SUZ12: variants seen among roughly 807,000 people sequenced by gnomAD.
The protein encoded by SUZ12 is polycomb protein SUZ12.
A neutral mutation model predicts 87.3 loss-of-function variants in SUZ12; 17 were observed. The observed-to-expected ratio is 0.19, with a 90% CI of 0.13 to 0.29. SUZ12 has a LOEUF of 0.29. Ranked by LOEUF, SUZ12 falls within the 10% of genes least tolerant of loss-of-function variation. The pLI is 1.00. For synonymous variants in SUZ12, 253 were observed against 312.4 expected (o/e 0.81, Z 2.01); for missense variants, 526 against 912.2 (o/e 0.58, Z 5.45).
At chr17:31,963,864 A>G (rs532956079) in intron 4 of SUZ12, 10,596 of 151,058 alleles carry the variant, frequency 0.07, no homozygotes, top group African/African-American at 0.23. Flanking sequence ...TCTCCCATCC[A>G]AGTACCAACC....
intron 14 of SUZ12, among the ~76,000 whole-genome samples, chr17:31,996,284 T>A (rs1909975668): frequency 1.3e-5 from 2 of 152,198 alleles, no homozygotes; most frequent in Non-Finnish European, 2.9e-5. Flanking sequence ...TGTGTTTTCA[T>A]TTCTATATTT....
rs1262248485 is a variant in SUZ12, at chr17:31,937,509, A to G, written c.263A>G (p.Gln88Arg). ...HVQADHELFLQAFEKPTQIYR... is the reference protein window; with the variant it reads ...HVQADHELFLRAFEKPTQIYR... Reference sequence around the variant, plus strand: ...CAGGCTGACCACGAGCTTTTCCTCCAGGCCTTTGAGAGTGAGTGTGTGCGA... The same window carrying G: ...CAGGCTGACCACGAGCTTTTCCTCCGGGCCTTTGAGAGTGAGTGTGTGCGA... The change falls in exon 1 of 16, where the codon CAG becomes CGG. Residue 88 changes from glutamine to arginine, a missense_variant. Gln to Arg is a conservative substitution (Grantham distance 43). Transcript: ENST00000322652. 6.5e-7 allele frequency: 1 copy of G among 1,540,326 alleles called. No individual in the cohort carries two copies. The highest frequency in any genetic ancestry group is 1.2e-5 in the South Asian group (1 of 83,874).
intron 3 of SUZ12, among the ~76,000 whole-genome samples, chr17:31,941,581 G>A (rs1402513774): frequency 2.1e-5 from 3 of 143,328 alleles, no homozygotes; most frequent in Admixed American, 7.0e-5. Flanking sequence ...ACGGAGTCTC[G>A]CTCTGTCTCC....
intron 4 of SUZ12, among the ~76,000 whole-genome samples, chr17:31,962,520 A>G (rs80105748): frequency 0.1 from 14,617 of 145,536 alleles, no homozygotes; most frequent in South Asian, 0.19. Context: ...GAGCCTGGAA[A>G]TTGGAGGTTG....
intron 13 of SUZ12, among the ~76,000 whole-genome samples, chr17:31,995,149 G>C (rs1005667686): frequency 2.0e-5 from 3 of 152,162 alleles, no homozygotes; most frequent in African/African-American, 7.2e-5. Context: ...TTTAATCTTA[G>C]TAAAACTGAA....
chr17:31,996,741 C>G lies in SUZ12; in HGVS notation c.1795-57C>G. ...TCCAAAACATTCTGTTTTTGACATT[C>G]TCACAAGTTTTTCTTAAAATATGTG... On this transcript the variant is annotated intron_variant, in intron 14 of 15. Transcript: ENST00000322652. 5 of 1,241,766 alleles carry G rather than the reference C, an allele frequency of 4.0e-6. No homozygotes were observed. In the South Asian group the frequency reaches 7.4e-5, roughly 18 times the overall value. The allele number at this position is 1,241,766 out of a possible 1,614,324, so 76.9% of individuals were successfully genotyped here.
intron 8 of SUZ12, among the ~76,000 whole-genome samples, chr17:31,979,804 A>G (rs1344044634): frequency 2.6e-5 from 4 of 152,142 alleles, no homozygotes; most frequent in African/African-American, 9.7e-5. Context: ...CTGAGTAAAT[A>G]TCCATTTTCT....
chr17:31,937,149 C>G lies in SUZ12; in HGVS notation c.-98C>G. On this transcript the variant is annotated 5_prime_UTR_variant, in exon 1 of 16. Transcript: ENST00000322652. ...CCTCTCTCCTCCTTCCCCCCTCGGT[C>G]CGCCGGAGCCTGCTGGGGCGAGCGG... The G allele has an allele frequency of 1.8e-6, 2 of 1,091,798 alleles. No homozygotes were observed. Among genetic ancestry groups the G allele is most frequent in the African/African-American group, 3.3e-5 (2 of 60,366 alleles). The allele number at this position is 1,091,798 out of a possible 1,614,324, so 67.6% of individuals were successfully genotyped here. A position where few individuals can be genotyped will look rare whatever the true frequency, so the allele number is the denominator to read the frequency against.
At chr17:31,939,551 T>C (rs1181025813) in intron 1 of SUZ12, among the ~76,000 whole-genome samples, 1 of 151,990 alleles carries the variant, frequency 6.6e-6, no homozygotes, top group Admixed American at 6.6e-5. Context: ...AGACGAAGTT[T>C]CGCTCTTTAT....
In SUZ12 at chr17:31,937,295, A is replaced by T. The variant is rs1181343866; in HGVS notation, c.49A>T (p.Ser17Cys). Reference protein sequence around the residue: ...GGGGGGGSGPSAGSGGGGFGG... With the variant: ...GGGGGGGSGPCAGSGGGGFGG... Reference sequence around the variant, plus strand: ...TGGGGGAGGGGGCGGCTCGGGGCCCAGCGCGGGGTCCGGGGGAGGCGGCTT... The same window carrying T: ...TGGGGGAGGGGGCGGCTCGGGGCCCTGCGCGGGGTCCGGGGGAGGCGGCTT... The change falls in exon 1 of 16, where the codon AGC (serine) becomes TGC (cysteine). Residue 17 changes from serine to cysteine, a missense_variant. Ser to Cys is a moderately radical substitution (Grantham distance 112, BLOSUM62 -1). Transcript: ENST00000322652. 2.1e-6 allele frequency: 3 copies of T among 1,399,032 alleles called. No homozygotes were observed. In the East Asian group the frequency reaches 9.1e-5, roughly 42 times the overall value. 86.7% of individuals were successfully genotyped at this position (1,399,032 alleles called of 1,614,324 possible). A position where few individuals can be genotyped will look rare whatever the true frequency, so the allele number is the denominator to read the frequency against.
At chr17:31,982,760 GT>G (rs1184091080) in intron 8 of SUZ12, among the ~76,000 whole-genome samples, 1 of 152,190 alleles carries the variant, frequency 6.6e-6, no homozygotes, top group East Asian at 1.9e-4. Flanking sequence ...TACTTTACAT[GT>G]TTAGAGTTAT....
intron 3 of SUZ12, among the ~76,000 whole-genome samples, chr17:31,946,421 A>G (rs1285637774): frequency 6.6e-6 from 1 of 152,096 alleles, no homozygotes; most frequent in Admixed American, 6.6e-5. Context: ...AGTCCCAGCT[A>G]CTCGGGAGGC....
At chr17:31,974,486 A>G (rs1410071793) in intron 6 of SUZ12, among the ~76,000 whole-genome samples, 1 of 152,186 alleles carries the variant, frequency 6.6e-6, no homozygotes, top group Non-Finnish European at 1.5e-5. Flanking sequence ...GAGATCGCAC[A>G]ACTGCACTCC....
chr17:31,957,514 C>T (rs1398220201), intron 4 of SUZ12, among the ~76,000 whole-genome samples: 3 of 151,836 alleles, frequency 2.0e-5, no homozygotes, highest in African/African-American at 4.8e-5. Flanking sequence ...CAGGCTCAAG[C>T]GATTCTTCTG....
intron 8 of SUZ12, among the ~76,000 whole-genome samples, chr17:31,980,106 TTG>T (rs1482528721): frequency 6.6e-6 from 1 of 151,792 alleles, no homozygotes; most frequent in Non-Finnish European, 1.5e-5. Flanking sequence ...GGAAGACTAT[TTG>T]AGCCCAGGAG....
chr17:31,983,428 T>C (rs971052210), intron 9 of SUZ12, among the ~76,000 whole-genome samples: 1 of 151,306 alleles, frequency 6.6e-6, no homozygotes, highest in Admixed American at 6.6e-5. Context: ...TGATTCTGCG[T>C]GCCACCACGC....
chr17:31,968,890 T>C lies in SUZ12; in HGVS notation c.505+2694T>C, dbSNP rs377172812. 9.2e-5 allele frequency among the ~76,000 whole-genome samples: 14 copies of C among 152,340 alleles called. No individual in the cohort carries two copies. The South Asian group carries it at 1.5e-3, about 16-fold the overall frequency. On this transcript the variant is annotated intron_variant, in intron 5 of 15. Coordinates refer to ENST00000322652, the MANE Select transcript of SUZ12 (RefSeq NM_015355.4). ...GTCATATTAAGCTTTTTTCCTATCT[T>C]CATGACAAAATATATAAAGTTCAAC...
chr17:31,941,087 C>T (rs768843304), intron 3 of SUZ12, among the ~76,000 whole-genome samples: 3 of 151,494 alleles, frequency 2.0e-5, no homozygotes, highest in Non-Finnish European at 2.9e-5. Context: ...TACTCTGTGC[C>T]ATGGGTTATT....
chr17:31,943,120 T>C (rs1161625202), intron 3 of SUZ12, among the ~76,000 whole-genome samples: 3 of 152,216 alleles, frequency 2.0e-5, no homozygotes, highest in Non-Finnish European at 4.4e-5. Flanking sequence ...AAGTTTGCAT[T>C]GCAGTTAATA....
Sources: gnomAD v4.1 joint callset for allele counts (sites outside exome capture counted in the v4.1 genomes callset) on GRCh38, gnomAD v4.1.1 for gene constraint, MANE v1.5 for transcripts, NCBI Gene and HGNC (gene_info 2026-07-23, HGNC 2026-07-21) for gene names.